SOAT2: variants seen among roughly 807,000 people sequenced by gnomAD.
The protein encoded by SOAT2 is ACAT-2.
Under a neutral mutation model 76.0 loss-of-function variants are expected in SOAT2, and 87 were observed. The ratio of observed to expected loss-of-function variants is 1.14; its 90% confidence interval spans 0.96 to 1.37. The LOEUF (loss-of-function observed/expected upper bound fraction) is 1.37. Among genes scored for constraint, SOAT2 ranks in the 40% most tolerant of loss-of-function variants. SOAT2 has a pLI of 0.00. For missense variants in SOAT2, 686 were observed against 682.1 expected, an observed-to-expected ratio of 1.01 and a Z score of -0.06; for synonymous variants, 285 against 275.4, an observed-to-expected ratio of 1.03 and a Z score of -0.34.
chr12:53,121,477 TAC>T (rs1216124670), intron 12 of SOAT2, 76 bp downstream of exon 12: 65 of 1,225,152 alleles, frequency 5.3e-5, no homozygotes, highest in Non-Finnish European at 7.4e-5. Context: ...TCCCTCCTGC[TAC>T]AGTGTGGCAA....
chr12:53,119,009 G>T, intron 9 of SOAT2, 74 bp downstream of exon 9: 1 of 1,609,550 alleles, frequency 6.2e-7, no homozygotes, highest in Admixed American at 1.7e-5. Flanking sequence ...GAGGCCTGGG[G>T]AGGCAGTGGG....
rs1006489814 is a variant in SOAT2 at position 53,119,392 on chromosome 12, C to T, written c.1039+139C>T. On this transcript the variant is annotated intron_variant, in intron 10 of 14. Coordinates refer to ENST00000301466, the MANE Select transcript of SOAT2 (RefSeq NM_003578.4). Reference sequence around the variant, plus strand: ...TCACATCTGTCCCCTCCTATCAGGGCCATTGCCATGGTCTCAGTTCAGACC... The same window carrying T: ...TCACATCTGTCCCCTCCTATCAGGGTCATTGCCATGGTCTCAGTTCAGACC... The T allele has an allele frequency of 1.9e-5, 17 of 917,580 alleles. No homozygotes were observed. The African/African-American group carries it at 2.7e-4, about 14-fold the overall frequency. The allele number at this position is 917,580 out of a possible 1,614,324, so 56.8% of individuals were successfully genotyped here. A position where few individuals can be genotyped will look rare whatever the true frequency, so the allele number is the denominator to read the frequency against.
chr12:53,105,762 T>A, intron 4 of SOAT2, 142 bp downstream of exon 4: 1 of 951,578 alleles, frequency 1.1e-6, no homozygotes, highest in Non-Finnish European at 1.5e-6. Context: ...GTCCCCTATT[T>A]GCCCTAGGCA....
At chr12:53,115,229 C>A (rs540171601) in intron 5 of SOAT2, among the ~76,000 whole-genome samples, 161 bp from the exon 6 acceptor site, 1 of 152,172 alleles carries the variant, frequency 6.6e-6, no homozygotes, top group African/African-American at 2.4e-5. Flanking sequence ...CCTGGAGCAA[C>A]GCCCTGTGCC....
At position 53,121,300 on chromosome 12, in the gene SOAT2, C is replaced by T; in HGVS notation, c.1138-3C>T. On this transcript the variant is annotated splice_region_variant and splice_polypyrimidine_tract_variant and intron_variant, in intron 11 of 14. Transcript: ENST00000301466. The stretch of plus-strand genomic sequence containing the variant: ...TCCCCCACTCTGACCCCACCTTCTC[C>T]AGGACTGGTGGAACTCAACGTCCTT... 1 of 1,612,206 alleles carries T rather than the reference C, an allele frequency of 6.2e-7. No homozygotes were observed. Among genetic ancestry groups the T allele is most frequent in the Non-Finnish European group, 8.5e-7 (1 of 1,178,220 alleles).
rs781566811 is a variant in SOAT2, at chr12:53,105,060, T to C, written c.139-47T>C. 3.9e-6 allele frequency: 6 copies of C among 1,541,826 alleles called. No individual in the cohort carries two copies. The African/African-American group carries it at 4.1e-5, about 11-fold the overall frequency. ...AGTGAATGTCTGGTGAATGAAAGGA[T>C]GGCTGACTGGAGGGACAGTGGGCTC... is the stretch of plus-strand genomic sequence containing the variant. On this transcript the variant is annotated intron_variant, in intron 2 of 14. Transcript: ENST00000301466.
intron 10 of SOAT2, among the ~76,000 whole-genome samples, chr12:53,120,081 A>G (rs1938167049): frequency 6.6e-6 from 1 of 152,206 alleles, no homozygotes. Context: ...CACACCTGTA[A>G]TCACAACACT....
At chr12:53,116,032 A>G in intron 6 of SOAT2, 65 bp from the exon 7 acceptor site, 6 of 1,372,604 alleles carry the variant, frequency 4.4e-6, no homozygotes, top group South Asian at 3.5e-5. Flanking sequence ...CCCAGAGCAC[A>G]GAGAGGTTAA....
intron 5 of SOAT2, among the ~76,000 whole-genome samples, chr12:53,110,353 T>C (rs2121270221): frequency 6.6e-6 from 1 of 152,338 alleles, no homozygotes; most frequent in South Asian, 2.1e-4. Flanking sequence ...TCTAACTCCA[T>C]GTGTCCTAGG....
At chr12:53,118,309 G>A (rs1208217600) in intron 7 of SOAT2, 41 bp from the exon 8 acceptor site, 5 of 1,325,238 alleles carry the variant, frequency 3.8e-6, no homozygotes, top group Non-Finnish European at 5.4e-6. Flanking sequence ...TCTGCCCTCT[G>A]CCCTTGCCCT....
chr12:53,120,678 A>T, intron 10 of SOAT2, 108 bp from the exon 11 acceptor site: 1 of 740,896 alleles, frequency 1.3e-6, no homozygotes. Context: ...GAATGGTAAG[A>T]GTTGGGGCCC....
chr12:53,111,106 G>T (rs1358510837), intron 5 of SOAT2, among the ~76,000 whole-genome samples: 3 of 136,700 alleles, frequency 2.2e-5, no homozygotes, highest in African/African-American at 3.1e-5. Context: ...TTAATCATTT[G>T]CCTACATTTT....
Position 53,105,218 on chromosome 12 carries a change from C to T in SOAT2, c.250C>T (p.Pro84Ser). Residue 84 changes from proline (P) to serine (S), a missense_variant, in exon 3 of 15, where the codon CCA (proline) becomes TCA (serine). Transcript: ENST00000301466. ...CCCATCACAAGACAAACCTCTGCCCCCACCTCCCCCAGGTTCCTTGAGCAG... is the reference window on the plus strand; with the variant it reads ...CCCATCACAAGACAAACCTCTGCCCTCACCTCCCCCAGGTTCCTTGAGCAG... Reference protein sequence around the residue: ...SYPSQDKPLPPPPPGSLSRTQ... With the variant: ...SYPSQDKPLPSPPPGSLSRTQ... 1 of 1,603,294 alleles carries T rather than the reference C, an allele frequency of 6.2e-7. No homozygotes were observed.
chr12:53,104,989 T>G (rs1937907304), intron 2 of SOAT2, 118 bp from the exon 3 acceptor site: 2 of 817,144 alleles, frequency 2.4e-6, no homozygotes, highest in Non-Finnish European at 3.3e-6. Context: ...CCCCAGGTTG[T>G]TTTTTTTTTT....
chr12:53,105,289 A>G, intron 3 of SOAT2, 46 bp downstream of exon 3: 1 of 1,576,924 alleles, frequency 6.3e-7, no homozygotes, highest in South Asian at 1.2e-5. Context: ...AGCAAGGATC[A>G]TGAGCTAGAA....
chr12:53,106,075 G>T (rs1412506762), intron 5 of SOAT2, 61 bp downstream of exon 5: 1 of 1,194,326 alleles, frequency 8.4e-7, no homozygotes, highest in Non-Finnish European at 1.2e-6. Flanking sequence ...TGGGTCCTCA[G>T]TGCCCCACCT....
intron 6 of SOAT2, 121 bp from the exon 7 acceptor site, chr12:53,115,976 G>C: frequency 1.1e-6 from 1 of 874,876 alleles, no homozygotes; most frequent in African/African-American, 1.7e-5. Flanking sequence ...AAAAGTATGG[G>C]CTCTGACCAG....
At chr12:53,114,568 A>T (rs368782245) in intron 5 of SOAT2, among the ~76,000 whole-genome samples, 31 of 152,150 alleles carry the variant, frequency 2.0e-4, no homozygotes, top group African/African-American at 7.5e-4. Context: ...TGAAAAAAAA[A>T]AAATTAGCCA....
intron 5 of SOAT2, among the ~76,000 whole-genome samples, chr12:53,113,009 AT>A (rs1938047522): frequency 6.6e-6 from 1 of 151,174 alleles, no homozygotes; most frequent in South Asian, 2.1e-4. Context: ...CCTGAACCTC[AT>A]GATCCAGCCA....
Sources: gnomAD v4.1 joint callset for allele counts (sites outside exome capture counted in the v4.1 genomes callset) on GRCh38, gnomAD v4.1.1 for gene constraint, MANE v1.5 for transcripts, NCBI Gene and HGNC (gene_info 2026-07-23, HGNC 2026-07-21) for gene names.